The following ZMYND8 variants were observed in gnomAD, a reference collection of about 807,000 sequenced individuals.
ZMYND8 encodes the protein zinc finger MYND-type containing 8, also known as MYND-type zinc finger-containing chromatin reader ZMYND8.
In ZMYND8, 37 loss-of-function variants were observed where a neutral mutation model predicts 140.8. The ratio of observed to expected loss-of-function variants is 0.26; its 90% confidence interval spans 0.20 to 0.35. ZMYND8 has a LOEUF of 0.35. ZMYND8 is among the 10% of genes least tolerant of loss of function. ZMYND8 has a pLI of 1.00. For synonymous variants in ZMYND8, 592 were observed against 597.1 expected, an observed-to-expected ratio of 0.99 and a Z score of 0.12; for missense variants, 1,068 against 1,570.0, an observed-to-expected ratio of 0.68 and a Z score of 5.40.
chr20:47,281,667 G>A (rs2076613726), intron 10 of ZMYND8, among the ~76,000 whole-genome samples: 2 of 152,168 alleles, frequency 1.3e-5, no homozygotes, highest in Admixed American at 1.3e-4. Context: ...AAGGGAACAG[G>A]AGAGAACTAC....
chr20:47,302,320 T>A (rs1312052194), intron 3 of ZMYND8, among the ~76,000 whole-genome samples: 1 of 151,782 alleles, frequency 6.6e-6, no homozygotes, highest in African/African-American at 2.4e-5. Flanking sequence ...ACAAAAAATA[T>A]AAAAATTAGC....
chr20:47,309,913 T>G (rs2078794475), intron 3 of ZMYND8, 143 bp downstream of exon 3: 16 of 1,180,362 alleles, frequency 1.4e-5, no homozygotes, highest in Non-Finnish European at 1.8e-5. Flanking sequence ...TAGCCATCTT[T>G]TTTTGTCCAA....
At chr20:47,242,008 G>A (rs1217398155) in intron 14 of ZMYND8, among the ~76,000 whole-genome samples, 1 of 151,786 alleles carries the variant, frequency 6.6e-6, no homozygotes, top group African/African-American at 2.4e-5. Context: ...CAGTAGAGGC[G>A]GGGTTTCACT....
intron 11 of ZMYND8, among the ~76,000 whole-genome samples, chr20:47,272,055 A>G (rs1569057812): frequency 1.0e-5 from 1 of 97,222 alleles, no homozygotes; most frequent in Non-Finnish European, 2.0e-5. Context: ...ATTATAAAAA[A>G]AGGGGGGGGG....
chr20:47,288,536 G>A (rs1215135560), intron 7 of ZMYND8, among the ~76,000 whole-genome samples: 1 of 151,928 alleles, frequency 6.6e-6, no homozygotes, highest in Non-Finnish European at 1.5e-5. Flanking sequence ...TGGGATTACA[G>A]GCATGCGCCA....
At position 47,221,466 on chromosome 20, in the gene ZMYND8, G is replaced by C. The variant is rs753481743; in HGVS notation, c.3265C>G (p.Pro1089Ala). 6.2e-7 allele frequency: 1 copy of C among 1,613,908 alleles called. No homozygotes were observed. The highest frequency in any genetic ancestry group is 8.5e-7 in the Non-Finnish European group (1 of 1,179,980). ...ACCTCAGCATCCGCTTCCTGCTGAG[G>C]AGCAGTAGCTGGGGACAAAGGAGAG... ...MKSCTQSATAPQQEADAEVNT... is the reference protein window; with the variant it reads ...MKSCTQSATAAQQEADAEVNT... The change falls in exon 20 of 23, where the codon CCT becomes GCT. Residue 1089 changes from proline to alanine, a missense_variant. Pro to Ala is a conservative substitution (Grantham distance 27). Coordinates refer to ENST00000471951, the MANE Select transcript of ZMYND8 (RefSeq NM_001281775.3).
chr20:47,319,608 AACTCGCCTGGCAGG>A (rs2079738026), intron 2 of ZMYND8: 1 of 154,688 alleles, frequency 6.5e-6, no homozygotes, highest in Admixed American at 6.3e-5. Context: ...CGAACTTCCA[AACTCGCCTGGCAGG>A]ACAGAAATTG....
At chr20:47,318,611 G>T (rs996663458) in intron 2 of ZMYND8, 3 of 399,818 alleles carry the variant, frequency 7.5e-6, no homozygotes, top group East Asian at 7.3e-5. Context: ...AAAACCGCTC[G>T]CATTAGCAAA....
At chr20:47,243,788 T>G (rs1246697313) in intron 14 of ZMYND8, among the ~76,000 whole-genome samples, 2 of 152,184 alleles carry the variant, frequency 1.3e-5, no homozygotes, top group African/African-American at 2.4e-5. Flanking sequence ...GAAAGAACAG[T>G]ATAAATATGT....
At chr20:47,327,905 C>G (rs1479814205) in intron 2 of ZMYND8, among the ~76,000 whole-genome samples, 2 of 152,226 alleles carry the variant, frequency 1.3e-5, no homozygotes, top group Admixed American at 6.5e-5. Flanking sequence ...GCCTTGACCT[C>G]CTGGGCTCAA....
chr20:47,291,958 A>G (rs1430340114), intron 5 of ZMYND8, 70 bp from the exon 6 acceptor site: 2 of 1,341,508 alleles, frequency 1.5e-6, no homozygotes, highest in African/African-American at 3.0e-5. Context: ...TAATGCTAAC[A>G]AAAGGCTTGA....
chr20:47,295,121 G>T (rs1305030872), intron 4 of ZMYND8, among the ~76,000 whole-genome samples: 1 of 152,220 alleles, frequency 6.6e-6, no homozygotes, highest in African/African-American at 2.4e-5. Context: ...AGGTGGGCGT[G>T]GTGGCTCACG....
intron 2 of ZMYND8, among the ~76,000 whole-genome samples, chr20:47,333,294 C>CCATTGCACTCCA (rs2081101710): frequency 2.0e-5 from 3 of 151,926 alleles, no homozygotes; most frequent in African/African-American, 7.3e-5. Flanking sequence ...CCCTTGAGGA[C>CCATTGCACTCCA]ACCATTGCAC....
chr20:47,238,805 G>A lies in ZMYND8; in HGVS notation c.2618C>T (p.Pro873Leu). 1.2e-6 allele frequency: 2 copies of A among 1,613,074 alleles called. No individual in the cohort carries two copies. The highest frequency in any genetic ancestry group is 1.7e-6 in the Non-Finnish European group (2 of 1,180,002). ...ATATCTCGTCCCCTGGGAAGACTGAGGCTGCTGCTGCTGGTTTTGCTGCTG... is the reference window on the plus strand; with the variant it reads ...ATATCTCGTCCCCTGGGAAGACTGAAGCTGCTGCTGCTGGTTTTGCTGCTG... ...QQQQQNQQQQPQSSQGTRYQT... is the reference protein window; with the variant it reads ...QQQQQNQQQQLQSSQGTRYQT... Residue 873 changes from proline to leucine, a missense_variant, in exon 15 of 23, where the codon CCT (proline) becomes CTT (leucine). Transcript: ENST00000471951.
At position 47,210,427 on chromosome 20, in the gene ZMYND8, TTA is replaced by T. The variant is rs1491562574; in HGVS notation, c.*332_*333del. On this transcript the variant is annotated 3_prime_UTR_variant, in exon 23 of 23. Coordinates refer to ENST00000471951, the MANE Select transcript of ZMYND8 (RefSeq NM_001281775.3). ...GGGTTGGTTGCTTTTTTTTTTTTTT[TTA>T]AATCGTTTTTCTTTTTCTTTTTTTT... The T allele has an allele frequency of 3.0e-4, 50 of 167,634 alleles. No individual in the cohort carries two copies. Among genetic ancestry groups the T allele is most frequent in the African/African-American group, 1.1e-3 (43 of 39,650 alleles). The allele number at this position is 167,634 out of a possible 1,614,324, so 10.4% of individuals were successfully genotyped here. A position where few individuals can be genotyped will look rare whatever the true frequency, so the allele number is the denominator to read the frequency against.
chr20:47,262,292 G>T lies in ZMYND8; in HGVS notation c.1617C>A (p.Asn539Lys), dbSNP rs759190040. ...TSTTGSILNL[N>K]LDRSKAEMDL... Reference sequence around the variant, plus strand: ...CTGGCAAAAATTCTGACTGACCCAGGTTAAGATTCAGGATGCTGCCGGTGG... The same window carrying T: ...CTGGCAAAAATTCTGACTGACCCAGTTTAAGATTCAGGATGCTGCCGGTGG... The change falls in exon 12 of 23, where the codon AAC becomes AAA. Residue 539 changes from asparagine to lysine, a missense_variant. Asn to Lys is a moderately conservative substitution (Grantham distance 94). This residue lies in a region of ZMYND8 where 173 missense variants were observed against 223.3 expected (regional missense o/e 0.77). Coordinates refer to ENST00000471951, the MANE Select transcript of ZMYND8 (RefSeq NM_001281775.3). The T allele has an allele frequency of 6.2e-7, 1 of 1,614,122 alleles. No individual in the cohort carries two copies. Among genetic ancestry groups the T allele is most frequent in the Admixed American group, 1.7e-5 (1 of 60,006 alleles).
Position 47,276,323 on chromosome 20 carries a change from T to G in ZMYND8, c.1471A>C (p.Lys491Gln). The change falls in exon 11 of 23, where the codon AAG becomes CAG. Residue 491 changes from lysine to glutamine, a missense_variant. Around this residue, in one of 10 missense-constraint regions of ZMYND8, gnomAD observed 173 missense variants for 223.3 expected, o/e 0.77. Transcript: ENST00000471951. ...ASEESMDFLDKSTASPASTKT... is the reference protein window; with the variant it reads ...ASEESMDFLDQSTASPASTKT... ...CCCGCACGGAGCTGACCTGTGCTCT[T>G]ATCCAGGAAGTCCATGGACTCCTCG... is the stretch of plus-strand genomic sequence containing the variant. The G allele has an allele frequency of 6.4e-7, 1 of 1,563,700 alleles. No individual in the cohort carries two copies. The highest frequency in any genetic ancestry group is 8.7e-7 in the Non-Finnish European group (1 of 1,151,358).
chr20:47,284,524 G>A (rs1003023410), intron 8 of ZMYND8, among the ~76,000 whole-genome samples: 3 of 152,106 alleles, frequency 2.0e-5, no homozygotes, highest in African/African-American at 7.2e-5. Context: ...GACCTGACAG[G>A]TTCCCTCAAA....
At chr20:47,325,548 C>T (rs6094661) in intron 2 of ZMYND8, among the ~76,000 whole-genome samples, 37,509 of 151,980 alleles carry the variant, frequency 0.25, 8,168 homozygotes, top group African/African-American at 0.59. Context: ...AGCCTGGTCA[C>T]GTCGGCCTCT....
Sources: gnomAD v4.1 joint callset for allele counts (sites outside exome capture counted in the v4.1 genomes callset) on GRCh38, gnomAD v4.1.1 for gene constraint, gnomAD v4.1.1 regional missense constraint, MANE v1.5 for transcripts, NCBI Gene and HGNC (gene_info 2026-07-23, HGNC 2026-07-21) for gene names.